The following ZNFX1 variants were observed in gnomAD, a reference collection of about 807,000 sequenced individuals.
The protein encoded by ZNFX1 is zinc finger NFX1-type containing 1.
In ZNFX1, 78 loss-of-function variants were observed where a neutral mutation model predicts 179.8. The observed-to-expected ratio is 0.43, with a 90% CI of 0.36 to 0.52. The LOEUF (loss-of-function observed/expected upper bound fraction) is 0.52, where lower values mean the gene tolerates loss of function less well. Among genes scored for constraint, ZNFX1 ranks in the 20% least tolerant of loss-of-function variants. ZNFX1 has a pLI of 0.00. For synonymous variants in ZNFX1, 848 were observed against 868.5 expected (o/e 0.98, Z 0.42); for missense variants, 1,927 against 2,386.6 (o/e 0.81, Z 4.01).
At chr20:49,254,738 G>T (rs1412982194) in intron 9 of ZNFX1, 89 bp from the exon 10 acceptor site, 3 of 1,309,580 alleles carry the variant, frequency 2.3e-6, no homozygotes, top group African/African-American at 3.6e-5. Flanking sequence ...TGTATGAAGT[G>T]AACCTTGGAC....
chr20:49,247,083 G>A lies in ZNFX1; in HGVS notation c.*184C>T, dbSNP rs1980694224. Reference sequence around the variant, plus strand: ...GGGGTTTCGCCATGTTGGTCAGGCTGGTCTCGAACTCCTGACCTCGTGATC... The same window carrying A: ...GGGGTTTCGCCATGTTGGTCAGGCTAGTCTCGAACTCCTGACCTCGTGATC... On this transcript the variant is annotated 3_prime_UTR_variant, in exon 14 of 14. Transcript: ENST00000396105. 10 of 694,960 alleles carry A rather than the reference G, an allele frequency of 1.4e-5. 1 individual carries two copies. Among genetic ancestry groups the A allele is most frequent in the South Asian group, 3.9e-5 (2 of 51,736 alleles). 43.0% of individuals were successfully genotyped at this position (694,960 alleles called of 1,614,324 possible).
chr20:49,256,445 G>C (rs947796842), intron 8 of ZNFX1, among the ~76,000 whole-genome samples: 5 of 152,166 alleles, frequency 3.3e-5, no homozygotes, highest in African/African-American at 1.2e-4. Context: ...CTTCACACAG[G>C]ACTTGGCACA....
rs1010562545 is a variant in ZNFX1 at position 49,271,390 on chromosome 20, G to A, written c.422C>T (p.Ala141Val). ...HQKPTEQPQQ[A>V]KKLGYKFLES... ...TAAGAACTTGTAGCCCAGTTTCTTC[G>A]CCTGCTGTGGCTGTTCTGTAGGCTT... The change falls in exon 3 of 14, where the codon GCG (alanine) becomes GTG (valine). Residue 141 changes from alanine to valine, a missense_variant. Physicochemically the swap from Ala to Val is moderately conservative, Grantham distance 64. Coordinates refer to ENST00000396105, the MANE Select transcript of ZNFX1 (RefSeq NM_021035.3). The A allele has an allele frequency of 3.1e-6, 5 of 1,614,120 alleles. No homozygotes were observed. The highest frequency in any genetic ancestry group is 1.1e-5 in the South Asian group (1 of 91,070).
chr20:49,254,787 G>C lies in ZNFX1; in HGVS notation c.2805-138C>G, dbSNP rs868239971. ...TGACAAACAGAGAGATACATTCAGG[G>C]ACCTAAGAATCCAAAATGCCCAACA... is the stretch of plus-strand genomic sequence containing the variant. On this transcript the variant is annotated intron_variant, in intron 9 of 13. Transcript: ENST00000396105. 50 of 948,514 alleles carry C rather than the reference G, an allele frequency of 5.3e-5. No individual in the cohort carries two copies. The Middle Eastern group carries it at 2.5e-3, about 47-fold the overall frequency. The allele number at this position is 948,514 out of a possible 1,614,324, so 58.8% of individuals were successfully genotyped here.
chr20:49,271,789 G>C, intron 2 of ZNFX1, 39 bp from the exon 3 acceptor site: 7 of 1,547,342 alleles, frequency 4.5e-6, no homozygotes, highest in Non-Finnish European at 6.1e-6. Context: ...CAAGAACCAA[G>C]TTCTGTTGGA....
chr20:49,274,860 C>T (rs552427289), intron 2 of ZNFX1, among the ~76,000 whole-genome samples: 13 of 152,306 alleles, frequency 8.5e-5, no homozygotes, highest in African/African-American at 2.9e-4. Context: ...TGGTGGCTCA[C>T]GCCTGTAATC....
chr20:49,246,979 CTG>C lies in ZNFX1; in HGVS notation c.*286_*287del, dbSNP rs772133529. On this transcript the variant is annotated 3_prime_UTR_variant, in exon 14 of 14. Transcript: ENST00000396105. Reference sequence around the variant, plus strand: ...CGCCTCCTGGGTTTAAGCGATTCTTCTGCCTCAGCCTCCCAAGTAGCTGGGAT... The same window carrying C: ...CGCCTCCTGGGTTTAAGCGATTCTTCCCTCAGCCTCCCAAGTAGCTGGGAT... 2 of 433,294 alleles carry C rather than the reference CTG, an allele frequency of 4.6e-6. No homozygotes were observed. 26.8% of individuals were successfully genotyped at this position (433,294 alleles called of 1,614,324 possible). A position where few individuals can be genotyped will look rare whatever the true frequency, so the allele number is the denominator to read the frequency against.
rs571440546 is a variant in ZNFX1 at position 49,258,592 on chromosome 20, C to T, written c.2417-928G>A. 6.3e-5 allele frequency among the ~76,000 whole-genome samples: 9 copies of T among 142,816 alleles called. No homozygotes were observed. The East Asian group carries it at 6.5e-4, about 10-fold the overall frequency. 93.7% of individuals were successfully genotyped at this position (142,816 alleles called of 152,430 possible). ...AGGCTGAGGTGGGTGGATCACCTGA[C>T]GTCAGGAGTTCGAGACCAGCCTGGC... On this transcript the variant is annotated intron_variant, in intron 7 of 13. Transcript: ENST00000396105.
Position 49,248,354 on chromosome 20 carries a change from G to C in ZNFX1, c.4670C>G (p.Pro1557Arg), listed in dbSNP as rs753534241. Residue 1557 changes from proline to arginine, a missense_variant, in exon 14 of 14, where the codon CCA becomes CGA. By Grantham distance (103) the Pro-to-Arg change is moderately radical. Coordinates refer to ENST00000396105, the MANE Select transcript of ZNFX1 (RefSeq NM_021035.3). The surrounding 1 kb of genome is among the most constrained non-coding windows in gnomAD (Gnocchi z 4.6). ...GHPCIGLCGE[P>R]CPKKCRICHM... ...GCAGATCCGGCATTTCTTGGGGCAT[G>C]GCTCCCCACAGAGACCAATGCAGGG... 6.2e-7 allele frequency: 1 copy of C among 1,613,860 alleles called. No homozygotes were observed.
At position 49,248,647 on chromosome 20, in the gene ZNFX1, T is replaced by A. The variant is rs373458730; in HGVS notation, c.4377A>T (p.Glu1459Asp). 6.2e-7 allele frequency: 1 copy of A among 1,613,812 alleles called. No individual in the cohort carries two copies. Among genetic ancestry groups the A allele is most frequent in the Admixed American group, 1.7e-5 (1 of 60,016 alleles). The change falls in exon 14 of 14, where the codon GAA (glutamate) becomes GAT (aspartate). Residue 1459 changes from glutamate (E) to aspartate (D), a missense_variant. Coordinates refer to ENST00000396105, the MANE Select transcript of ZNFX1 (RefSeq NM_021035.3). This position sits in a 1 kb window ranked among gnomAD's most constrained non-coding sequence, Gnocchi z 4.6. ...CHSCFEGRFH[E>D]RCQQPCKRLL... ...GGCGCTTGCAGGGCTGCTGACAGCG[T>A]TCATGGAAACGCCCTTCGAAGCAGC...
chr20:49,251,431 G>A (rs999681396), intron 13 of ZNFX1, 96 bp downstream of exon 13: 14 of 1,093,780 alleles, frequency 1.3e-5, no homozygotes, highest in African/African-American at 3.2e-5. Flanking sequence ...GTGAGCCACC[G>A]CGCCTGGCCG....
At chr20:49,276,040 G>A (rs190433584) in intron 1 of ZNFX1, among the ~76,000 whole-genome samples, 153 bp from the exon 2 acceptor site, 84 of 152,288 alleles carry the variant, frequency 5.5e-4, no homozygotes, top group Non-Finnish European at 1.3e-4. Context: ...ACAAGTGCTC[G>A]ACTCTGCAAA....
chr20:49,263,330 C>T lies in ZNFX1; in HGVS notation c.2301+4G>A, dbSNP rs764872960. The T allele has an allele frequency of 1.9e-6, 3 of 1,612,818 alleles. No homozygotes were observed. In the Admixed American group the frequency reaches 5.0e-5, roughly 27 times the overall value. On this transcript the variant is annotated splice_donor_region_variant and intron_variant, in intron 6 of 13. Transcript: ENST00000396105. Reference sequence around the variant, plus strand: ...ATATTTGTGTCCCCCAGGATGACCCCTACCTGCACTGGTCCATTCATGAGA... The same window carrying T: ...ATATTTGTGTCCCCCAGGATGACCCTTACCTGCACTGGTCCATTCATGAGA...
Position 49,248,919 on chromosome 20 carries a change from C to G in ZNFX1, c.4105G>C (p.Asp1369His). Reference sequence around the variant, plus strand: ...GAGCAAGGCTCCTGGCAGCAGAAATCTGACTCAGGCACGGAACAAGGGACC... The same window carrying G: ...GAGCAAGGCTCCTGGCAGCAGAAATGTGACTCAGGCACGGAACAAGGGACC... ...QMVPCSVPESDFCCQEPCSKS... is the reference protein window; with the variant it reads ...QMVPCSVPESHFCCQEPCSKS... The change falls in exon 14 of 14, where the codon GAT (aspartate) becomes CAT (histidine). Residue 1369 changes from aspartate (D) to histidine (H), a missense_variant. By Grantham distance (81) the Asp-to-His change is moderately conservative. Coordinates refer to ENST00000396105, the MANE Select transcript of ZNFX1 (RefSeq NM_021035.3). The surrounding 1 kb of genome is among the most constrained non-coding windows in gnomAD (Gnocchi z 4.6). 2 of 1,614,284 alleles carry G rather than the reference C, an allele frequency of 1.2e-6. No individual in the cohort carries two copies. Among genetic ancestry groups the G allele is most frequent in the Non-Finnish European group, 1.7e-6 (2 of 1,180,058 alleles).
chr20:49,253,927 TG>T lies in ZNFX1; in HGVS notation c.2960-117del, dbSNP rs1408885605. ...TCCCTGAACCTGCATCAGCGACAGC[TG>T]GTCCTTATAGTGTTCTGGGTGGTCT... On this transcript the variant is annotated intron_variant, in intron 10 of 13. Transcript: ENST00000396105. The T allele has an allele frequency of 4.7e-6, 6 of 1,266,354 alleles. No homozygotes were observed. In the African/African-American group the frequency reaches 7.5e-5, roughly 16 times the overall value. 78.4% of individuals were successfully genotyped at this position (1,266,354 alleles called of 1,614,324 possible). A position where few individuals can be genotyped will look rare whatever the true frequency, so the allele number is the denominator to read the frequency against.
chr20:49,255,464 G>T (rs1466271138), intron 9 of ZNFX1, among the ~76,000 whole-genome samples: 1 of 149,530 alleles, frequency 6.7e-6, no homozygotes, highest in Non-Finnish European at 1.5e-5. Context: ...TGAGATTACA[G>T]GTGTGAGTCA....
chr20:49,258,976 C>T (rs1426317917), intron 7 of ZNFX1, among the ~76,000 whole-genome samples: 4 of 151,566 alleles, frequency 2.6e-5, no homozygotes, highest in Admixed American at 1.3e-4. Context: ...GGTGAGTGTG[C>T]CTGTAATCCC....
At chr20:49,256,373 G>C (rs549608937) in intron 8 of ZNFX1, among the ~76,000 whole-genome samples, 2 of 152,176 alleles carry the variant, frequency 1.3e-5, no homozygotes, top group Non-Finnish European at 2.9e-5. Context: ...TGCATGCCAT[G>C]AAAGTCATGG....
chr20:49,269,679 T>C (rs1981330074), intron 3 of ZNFX1, among the ~76,000 whole-genome samples: 1 of 152,142 alleles, frequency 6.6e-6, no homozygotes, highest in African/African-American at 2.4e-5. Context: ...AGACTCTGTC[T>C]CCAAAAACAA....
Sources: allele counts gnomAD v4.1 joint callset (sites outside exome capture counted in the v4.1 genomes callset), GRCh38; gene constraint gnomAD v4.1.1; non-coding constraint Gnocchi (gnomAD v3.1); transcripts MANE v1.5; gene names NCBI Gene and HGNC (gene_info 2026-07-23, HGNC 2026-07-21).